The following ZNF704 variants were observed in gnomAD, a reference collection of about 807,000 sequenced individuals.
ZNF704 encodes the protein zinc finger protein 704, also known as glucocorticoid induced gene 1.
Under a neutral mutation model 44.7 loss-of-function variants are expected in ZNF704, and 10 were observed. That is an observed-to-expected ratio of 0.22 (90% confidence interval 0.14 to 0.38). ZNF704 has a LOEUF of 0.38. ZNF704 is among the 10% of genes least tolerant of loss of function. The probability of loss-of-function intolerance (pLI) is 1.00; values close to 1 mark genes in which losing one functional copy is unlikely to be tolerated. For missense variants in ZNF704, 390 were observed against 545.5 expected (o/e 0.71, Z 2.84); for synonymous variants, 211 against 207.6 (o/e 1.02, Z -0.14).
At chr8:80,846,768 G>C (rs972968365) in intron 1 of ZNF704, among the ~76,000 whole-genome samples, 10 of 152,086 alleles carry the variant, frequency 6.6e-5, no homozygotes, top group African/African-American at 2.4e-4. Flanking sequence ...AAACTCCTAA[G>C]GAACTCCTAA....
At chr8:80,840,731 T>A (rs1038166910) in intron 1 of ZNF704, among the ~76,000 whole-genome samples, 1 of 152,100 alleles carries the variant, frequency 6.6e-6, no homozygotes, top group Non-Finnish European at 1.5e-5. Flanking sequence ...TCCACTTCCA[T>A]CAAAACAACA....
At chr8:80,869,002 G>A (rs999270507) in intron 1 of ZNF704, among the ~76,000 whole-genome samples, 7 of 152,216 alleles carry the variant, frequency 4.6e-5, no homozygotes, top group Middle Eastern at 3.4e-3. Flanking sequence ...GCCACCTCTG[G>A]GGTTTGACTG....
intron 2 of ZNF704, among the ~76,000 whole-genome samples, chr8:80,722,304 C>T (rs1806382855): frequency 6.6e-6 from 1 of 152,188 alleles, no homozygotes; most frequent in Admixed American, 6.5e-5. Context: ...CTGTTTGTTT[C>T]TCTTATTAGC....
At chr8:80,751,186 T>C (rs1348911077) in intron 2 of ZNF704, among the ~76,000 whole-genome samples, 2 of 152,170 alleles carry the variant, frequency 1.3e-5, no homozygotes, top group African/African-American at 4.8e-5. Flanking sequence ...TGAAATCACA[T>C]AAATAATCAC....
the ZNF704 span, among the ~76,000 whole-genome samples, chr8:80,881,061 G>A: frequency 6.6e-6 from 1 of 152,204 alleles, no homozygotes; most frequent in South Asian, 2.1e-4. Flanking sequence ...GTTTTAGTGA[G>A]TGTTAAATGG....
In ZNF704 at chr8:80,658,298, G is replaced by C. The variant is rs756148524; in HGVS notation, c.1032+1287C>G. On this transcript the variant is annotated intron_variant, in intron 7 of 8. Coordinates refer to ENST00000327835, the MANE Select transcript of ZNF704 (RefSeq NM_001033723.3). ...CAGAAAAGATGGTCTCAATAATTCT[G>C]TAACTGTGGCTGCCATTTTAGGTTA... Among the ~76,000 whole-genome samples the C allele has an allele frequency of 1.5e-3, 224 of 151,640 alleles. 1 individual carries two copies. The highest frequency in any genetic ancestry group is 2.0e-3 in the Non-Finnish European group (134 of 67,920).
chr8:80,737,143 G>A (rs976982153), intron 2 of ZNF704, among the ~76,000 whole-genome samples: 8 of 152,262 alleles, frequency 5.3e-5, no homozygotes, highest in South Asian at 2.1e-4. Context: ...TCTCATGTTC[G>A]TTATCTACTT....
chr8:80,757,082 G>T (rs888337607), intron 2 of ZNF704, among the ~76,000 whole-genome samples: 1 of 152,180 alleles, frequency 6.6e-6, no homozygotes, highest in African/African-American at 2.4e-5. Flanking sequence ...TTGTTTCAGA[G>T]TACAGTCCTT....
intron 7 of ZNF704, among the ~76,000 whole-genome samples, chr8:80,653,120 C>G (rs889164777): frequency 1.3e-3 from 190 of 152,000 alleles, no homozygotes; most frequent in Non-Finnish European, 2.0e-3. Flanking sequence ...ATTCAACAAC[C>G]CTTCATGCTA....
chr8:80,791,668 G>C (rs1807710526), intron 2 of ZNF704, among the ~76,000 whole-genome samples: 1 of 152,112 alleles, frequency 6.6e-6, no homozygotes, highest in Admixed American at 6.5e-5. Flanking sequence ...AGCAGCCAAG[G>C]CTTCTGCTGA....
At chr8:80,669,348 C>T (rs1004198028) in intron 5 of ZNF704, among the ~76,000 whole-genome samples, 11 of 152,130 alleles carry the variant, frequency 7.2e-5, no homozygotes, top group Non-Finnish European at 1.2e-4. Context: ...GGGTGTTCTT[C>T]CCTGAGGTAT....
intron 1 of ZNF704, among the ~76,000 whole-genome samples, chr8:80,844,829 T>TTTATTTA (rs1808742378): frequency 1.3e-5 from 2 of 148,852 alleles, no homozygotes; most frequent in African/African-American, 5.0e-5. Flanking sequence ...TTTCTTCTCT[T>TTTATTTA]TTTATTTATT....
At position 80,637,063 on chromosome 8, in the gene ZNF704, C is replaced by G. The variant is rs543372841; in HGVS notation, c.*4303G>C. The G allele has an allele frequency of 6.6e-6, 1 of 150,922 alleles. No individual in the cohort carries two copies. Among genetic ancestry groups the G allele is most frequent in the Non-Finnish European group, 1.5e-5 (1 of 67,820 alleles). 9.3% of individuals were successfully genotyped at this position (150,922 alleles called of 1,614,324 possible). A position where few individuals can be genotyped will look rare whatever the true frequency, so the allele number is the denominator to read the frequency against. On this transcript the variant is annotated 3_prime_UTR_variant, in exon 9 of 9. Transcript: ENST00000327835. ...CCACCCCCACCCCGTCCCCCTCCCCCACCCCCAGGCATTGCACCTGTGGTT... is the reference window on the plus strand; with the variant it reads ...CCACCCCCACCCCGTCCCCCTCCCCGACCCCCAGGCATTGCACCTGTGGTT...
chr8:80,746,923 A>T (rs1222187867), intron 2 of ZNF704, among the ~76,000 whole-genome samples: 1 of 152,192 alleles, frequency 6.6e-6, no homozygotes, highest in Admixed American at 6.5e-5. Flanking sequence ...ATCAGTCCAT[A>T]AAGTCCTTCA....
intron 2 of ZNF704, among the ~76,000 whole-genome samples, chr8:80,794,253 T>C (rs534138121): frequency 1.3e-5 from 2 of 152,314 alleles, no homozygotes; most frequent in South Asian, 4.1e-4. Flanking sequence ...GCCTGACAGA[T>C]ATGTTTCTTA....
rs181094813 is a variant in ZNF704 at position 80,635,086 on chromosome 8, G to C, written c.*6280C>G. The C allele has an allele frequency of 6.6e-6, 1 of 152,272 alleles. No individual in the cohort carries two copies. Among genetic ancestry groups the C allele is most frequent in the East Asian group, 1.9e-4 (1 of 5,186 alleles). 9.4% of individuals were successfully genotyped at this position (152,272 alleles called of 1,614,324 possible). On this transcript the variant is annotated 3_prime_UTR_variant, in exon 9 of 9. Transcript: ENST00000327835. ...AGAGCTGCCCAACGGGTGTATGGCT[G>C]TTCTATCTCAGCTTTGCTTTTGATG...
At chr8:80,702,865 T>C (rs1871673) in intron 2 of ZNF704, among the ~76,000 whole-genome samples, 3 of 152,128 alleles carry the variant, frequency 2.0e-5, no homozygotes, top group African/African-American at 7.2e-5. Flanking sequence ...TCCGGGATGA[T>C]GGCAGCATTG....
intron 5 of ZNF704, among the ~76,000 whole-genome samples, chr8:80,666,470 G>T (rs1384734583): frequency 6.8e-6 from 1 of 147,638 alleles, no homozygotes; most frequent in Non-Finnish European, 1.5e-5. Context: ...AGTCATTTGG[G>T]TATATACCCA....
At chr8:80,884,195 T>G in the ZNF704 span, among the ~76,000 whole-genome samples, 7 of 152,124 alleles carry the variant, frequency 4.6e-5, no homozygotes, top group South Asian at 1.2e-3. Flanking sequence ...CTTAAACCAT[T>G]GTAGATATAA....
Sources: allele counts gnomAD v4.1 joint callset (sites outside exome capture counted in the v4.1 genomes callset), GRCh38; gene constraint gnomAD v4.1.1; transcripts MANE v1.5; gene names NCBI Gene and HGNC (gene_info 2026-07-23, HGNC 2026-07-21).